Variants in CDH8 observed in about 807,000 individuals in gnomAD.
CDH8 encodes cadherin-8.
Under a neutral mutation model 68.1 loss-of-function variants are expected in CDH8, and 17 were observed. The ratio of observed to expected loss-of-function variants is 0.25; its 90% CI spans 0.17 to 0.37. The LOEUF is 0.37. CDH8 is among the 10% of genes least tolerant of loss of function. The pLI is 1.00. For missense variants in CDH8, 763 were observed against 999.3 expected (o/e 0.76, Z 3.19); for synonymous variants, 372 against 365.1 (o/e 1.02, Z -0.21).
rs1233672170 is a variant in CDH8, at chr16:61,822,325, A to C, written c.836-1212T>G. On this transcript the variant is annotated intron_variant, in intron 5 of 11. Coordinates refer to ENST00000577390, the MANE Select transcript of CDH8 (RefSeq NM_001796.5). ...CCATCTCCGAGTTAAACTTACAATCAAATTCTTGTCTCAGGGTCTGTTTCT... is the reference window on the plus strand; with the variant it reads ...CCATCTCCGAGTTAAACTTACAATCCAATTCTTGTCTCAGGGTCTGTTTCT... Among the ~76,000 whole-genome samples the C allele has an allele frequency of 2.1e-5, 3 of 143,868 alleles. No individual in the cohort carries two copies. In the Admixed American group the frequency reaches 2.2e-4, roughly 10 times the overall value. The allele number at this position is 143,868 out of a possible 152,430, so 94.4% of individuals were successfully genotyped here.
intron 2 of CDH8, among the ~76,000 whole-genome samples, chr16:61,997,769 T>G (rs1002904008): frequency 2.6e-5 from 4 of 152,152 alleles, no homozygotes; most frequent in Non-Finnish European, 5.9e-5. Flanking sequence ...AGGGTTTTTG[T>G]TAAAAACGCC....
chr16:61,984,764 A>G (rs1453439298), intron 2 of CDH8, among the ~76,000 whole-genome samples: 1 of 152,182 alleles, frequency 6.6e-6, no homozygotes, highest in Non-Finnish European at 1.5e-5. Context: ...TTCCCTACAG[A>G]AAGAACCTAA....
chr16:61,810,667 A>G (rs958974221), intron 7 of CDH8, among the ~76,000 whole-genome samples: 4 of 152,310 alleles, frequency 2.6e-5, no homozygotes, highest in African/African-American at 9.6e-5. Context: ...GTTTTCCTCC[A>G]TGTGACCTTA....
chr16:61,990,954 A>G (rs1597112274), intron 2 of CDH8, among the ~76,000 whole-genome samples: 3 of 151,614 alleles, frequency 2.0e-5, no homozygotes, highest in African/African-American at 7.3e-5. Flanking sequence ...GAGAGAGAGA[A>G]AAAAGAAAGA....
At chr16:61,961,276 C>T (rs1269286027) in intron 2 of CDH8, among the ~76,000 whole-genome samples, 1 of 151,926 alleles carries the variant, frequency 6.6e-6, no homozygotes, top group Non-Finnish European at 1.5e-5. Context: ...TATCGCACCA[C>T]TGCTCTCCAG....
intron 3 of CDH8, among the ~76,000 whole-genome samples, chr16:61,869,647 A>C (rs1344071231): frequency 6.6e-6 from 1 of 152,224 alleles, no homozygotes; most frequent in African/African-American, 2.4e-5. Flanking sequence ...CAACATATTT[A>C]GCAATATCAA....
intron 2 of CDH8, among the ~76,000 whole-genome samples, chr16:61,917,248 T>C (rs1439951157): frequency 6.6e-6 from 1 of 152,072 alleles, no homozygotes; most frequent in Non-Finnish European, 1.5e-5. Context: ...GTCATTTTCT[T>C]CAGGGTGCAG....
chr16:61,887,366 T>A (rs1963694071), intron 3 of CDH8, among the ~76,000 whole-genome samples: 1 of 152,202 alleles, frequency 6.6e-6, no homozygotes, highest in Admixed American at 6.5e-5. Context: ...ACAGCTGCCA[T>A]AACAAAATTC....
At chr16:61,673,706 C>A (rs1284403777) in intron 10 of CDH8, among the ~76,000 whole-genome samples, 1 of 151,972 alleles carries the variant, frequency 6.6e-6, no homozygotes, top group African/African-American at 2.4e-5. Flanking sequence ...GATTTAGTGA[C>A]AAGAGACATT....
At chr16:61,830,920 T>C (rs1362009371) in intron 4 of CDH8, among the ~76,000 whole-genome samples, 1 of 151,898 alleles carries the variant, frequency 6.6e-6, no homozygotes, top group Admixed American at 6.6e-5. Context: ...TTTACTTTTG[T>C]AAATTTCCAA....
intron 2 of CDH8, among the ~76,000 whole-genome samples, chr16:61,904,169 A>G (rs1597054593): frequency 6.6e-6 from 1 of 152,178 alleles, no homozygotes; most frequent in African/African-American, 2.4e-5. Context: ...CCAACTTGAT[A>G]ATATAAGAAA....
chr16:61,668,329 AT>A (rs1327942030), intron 10 of CDH8, among the ~76,000 whole-genome samples: 1 of 151,776 alleles, frequency 6.6e-6, no homozygotes, highest in African/African-American at 2.4e-5. Context: ...GTGTTTGATG[AT>A]TTTTTTCTCT....
chr16:61,905,300 CACAG>C (rs1964043263), intron 2 of CDH8, among the ~76,000 whole-genome samples: 1 of 152,188 alleles, frequency 6.6e-6, no homozygotes, highest in South Asian at 2.1e-4. Flanking sequence ...CTTAGGGAGA[CACAG>C]ACAAAGTCTC....
At chr16:62,028,398 T>G (rs1332431773) in intron 1 of CDH8, among the ~76,000 whole-genome samples, 2 of 152,072 alleles carry the variant, frequency 1.3e-5, no homozygotes, top group Non-Finnish European at 2.9e-5. Context: ...GTTACTGCCA[T>G]GTTACTCCTC....
At chr16:61,901,691 T>C (rs763801178) in intron 2 of CDH8, among the ~76,000 whole-genome samples, 1 of 152,210 alleles carries the variant, frequency 6.6e-6, no homozygotes, top group Non-Finnish European at 1.5e-5. Flanking sequence ...TAAAAAGTAC[T>C]CTGGCCTGTT....
chr16:61,657,920 T>G (rs1356964033), intron 10 of CDH8, among the ~76,000 whole-genome samples: 1 of 152,110 alleles, frequency 6.6e-6, no homozygotes, highest in Non-Finnish European at 1.5e-5. Context: ...AATTCATACT[T>G]CTATAAATAT....
intron 7 of CDH8, among the ~76,000 whole-genome samples, chr16:61,798,013 A>T (rs987160906): frequency 6.6e-6 from 1 of 152,160 alleles, no homozygotes; most frequent in African/African-American, 2.4e-5. Flanking sequence ...AATTTTATGT[A>T]ACACTGGAAC....
At chr16:61,768,369 CCTTT>C (rs1567461194) in intron 8 of CDH8, among the ~76,000 whole-genome samples, 3 of 23,542 alleles carry the variant, frequency 1.3e-4, no homozygotes, top group African/African-American at 3.5e-4. Context: ...TCTCTCTCTC[CCTTT>C]CTCTCTCTCT....
chr16:61,903,346 C>T (rs1233347555), intron 2 of CDH8, among the ~76,000 whole-genome samples: 1 of 152,106 alleles, frequency 6.6e-6, no homozygotes, highest in Non-Finnish European at 1.5e-5. Context: ...TTTTTTGAGA[C>T]GGAGTCTCGC....
Sources: allele counts gnomAD v4.1 joint callset (sites outside exome capture counted in the v4.1 genomes callset), GRCh38; gene constraint gnomAD v4.1.1; transcripts MANE v1.5; gene names NCBI Gene and HGNC (gene_info 2026-07-23, HGNC 2026-07-21).